The following SYNDIG1L variants were observed in gnomAD, a reference collection of about 807,000 sequenced individuals.
The protein encoded by SYNDIG1L is synapse differentiation inducing 1 like, also known as synapse differentiation-inducing gene protein 1-like.
Under a neutral mutation model 20.1 loss-of-function variants are expected in SYNDIG1L, and 13 were observed. That is an observed-to-expected ratio of 0.65 (90% CI 0.42 to 1.03). The LOEUF (loss-of-function observed/expected upper bound fraction) is 1.03. SYNDIG1L is among the 50% of genes least tolerant of loss of function. The pLI, the probability that SYNDIG1L is intolerant of heterozygous loss-of-function variation, is 0.00. For synonymous variants in SYNDIG1L, 128 were observed against 129.3 expected, an observed-to-expected ratio of 0.99 and a Z score of 0.07; for missense variants, 294 against 305.1, an observed-to-expected ratio of 0.96 and a Z score of 0.27.
the SYNDIG1L span, among the ~76,000 whole-genome samples, chr14:74,450,499 G>A: frequency 3.9e-5 from 6 of 152,258 alleles, no homozygotes; most frequent in Non-Finnish European, 7.4e-5. Flanking sequence ...ACTAAGTAGA[G>A]TTTATTCCAG....
intron 2 of SYNDIG1L, among the ~76,000 whole-genome samples, chr14:74,408,385 G>C (rs1212457943): frequency 6.6e-6 from 1 of 152,070 alleles, no homozygotes; most frequent in East Asian, 1.9e-4. Context: ...CCAACATGAT[G>C]AAACTCCCTC....
At chr14:74,453,927 C>G in the SYNDIG1L span, among the ~76,000 whole-genome samples, 1 of 152,144 alleles carries the variant, frequency 6.6e-6, no homozygotes, top group South Asian at 2.1e-4. Context: ...GATTGTGCTA[C>G]CACACTCCAG....
intron 1 of SYNDIG1L, among the ~76,000 whole-genome samples, chr14:74,411,674 G>A (rs865942020): frequency 2.0e-5 from 3 of 152,162 alleles, no homozygotes; most frequent in African/African-American, 7.2e-5. Context: ...AGACCTGGAC[G>A]AAGACACTGA....
intron 1 of SYNDIG1L, among the ~76,000 whole-genome samples, chr14:74,420,447 G>T (rs527597850): frequency 6.6e-6 from 1 of 151,528 alleles, no homozygotes; most frequent in Admixed American, 6.6e-5. Context: ...ACTGATCTGT[G>T]GCAGAATTGA....
At chr14:74,461,057 T>C in the SYNDIG1L span, among the ~76,000 whole-genome samples, 5 of 151,974 alleles carry the variant, frequency 3.3e-5, no homozygotes, top group African/African-American at 1.2e-4. Context: ...ATTATTTGCT[T>C]TTTCTGCACC....
the SYNDIG1L span, among the ~76,000 whole-genome samples, chr14:74,453,840 C>T: frequency 1.3e-5 from 2 of 151,986 alleles, no homozygotes; most frequent in Non-Finnish European, 2.9e-5. Flanking sequence ...GTGGTGCACA[C>T]CTGTAATCCC....
chr14:74,440,554 A>G, the SYNDIG1L span, among the ~76,000 whole-genome samples: 6 of 147,226 alleles, frequency 4.1e-5, no homozygotes, highest in Admixed American at 6.8e-5. Flanking sequence ...GCATGGTGGC[A>G]GGCGCCTGTA....
chr14:74,468,599 C>T, the SYNDIG1L span, among the ~76,000 whole-genome samples: 3 of 152,120 alleles, frequency 2.0e-5, no homozygotes, highest in Non-Finnish European at 2.9e-5. Context: ...GCTCTTCCCC[C>T]ACACACACTG....
At position 74,407,639 on chromosome 14, in the gene SYNDIG1L, G is replaced by A. The variant is rs201977513; in HGVS notation, c.613C>T (p.Arg205Trp). The change falls in exon 4 of 4, where the codon CGG becomes TGG. Residue 205 changes from arginine to tryptophan, a missense_variant. By Grantham distance (101) the Arg-to-Trp change is moderately radical. Coordinates refer to ENST00000331628, the MANE Select transcript of SYNDIG1L (RefSeq NM_001105579.2). ...GCGAGTGTGGCTAGGAAGAGGGCCC[G>A]GCGGGAGGTGGTGCTGGCCAGGCGG... ...DFRLASTTSR[R>W]ALFLATLAIA... 3.0e-5 allele frequency: 48 copies of A among 1,613,856 alleles called. No homozygotes were observed. In the Middle Eastern group the frequency reaches 5.0e-4, roughly 17 times the overall value.
the SYNDIG1L span, among the ~76,000 whole-genome samples, chr14:74,443,194 G>C: frequency 6.6e-6 from 1 of 152,204 alleles, no homozygotes; most frequent in African/African-American, 2.4e-5. Flanking sequence ...TGAGAAGAAT[G>C]AACCTGAAAA....
At chr14:74,418,081 C>A (rs2086191292) in intron 1 of SYNDIG1L, among the ~76,000 whole-genome samples, 1 of 152,194 alleles carries the variant, frequency 6.6e-6, no homozygotes. Context: ...AAGGTGAAAT[C>A]TTTTAGAACA....
the SYNDIG1L span, among the ~76,000 whole-genome samples, chr14:74,436,601 C>T: frequency 6.6e-6 from 1 of 151,916 alleles, no homozygotes; most frequent in African/African-American, 2.4e-5. Flanking sequence ...GTAATCCCAG[C>T]ACTTTGGGGG....
upstream of SYNDIG1L, among the ~76,000 whole-genome samples, chr14:74,428,847 T>A (rs1238028450): frequency 6.6e-6 from 1 of 152,014 alleles, no homozygotes; most frequent in Non-Finnish European, 1.5e-5. Context: ...TTAAGACACT[T>A]CTGGGTGAAA....
the SYNDIG1L span, among the ~76,000 whole-genome samples, chr14:74,457,817 A>G: frequency 6.6e-6 from 1 of 151,928 alleles, no homozygotes; most frequent in Admixed American, 6.6e-5. Flanking sequence ...AAAGGGCTCG[A>G]GATTTGGAAT....
At chr14:74,412,736 C>T (rs2086141694) in intron 1 of SYNDIG1L, among the ~76,000 whole-genome samples, 1 of 152,202 alleles carries the variant, frequency 6.6e-6, no homozygotes. Context: ...TCTCGGGCTT[C>T]CCGACTGCCC....
the SYNDIG1L span, among the ~76,000 whole-genome samples, chr14:74,454,280 C>T: frequency 8.1e-4 from 123 of 152,200 alleles, no homozygotes; most frequent in Non-Finnish European, 1.3e-3. Flanking sequence ...AATTAGCTCA[C>T]TTTTAAAACT....
intron 1 of SYNDIG1L, among the ~76,000 whole-genome samples, chr14:74,416,693 C>T (rs905972535): frequency 3.9e-5 from 6 of 152,074 alleles, no homozygotes; most frequent in Non-Finnish European, 1.5e-5. Flanking sequence ...TTGGACTTAA[C>T]AAAATATGCT....
the SYNDIG1L span, among the ~76,000 whole-genome samples, chr14:74,462,692 G>A: frequency 2.0e-5 from 3 of 152,004 alleles, no homozygotes. Flanking sequence ...TTTTTACAGA[G>A]ACAGGGTTTT....
chr14:74,459,295 C>G, the SYNDIG1L span, among the ~76,000 whole-genome samples: 1 of 152,114 alleles, frequency 6.6e-6, no homozygotes, highest in Non-Finnish European at 1.5e-5. Context: ...GCGGGCAGAT[C>G]GCTTGAGCCC....
Sources: allele counts gnomAD v4.1 joint callset (sites outside exome capture counted in the v4.1 genomes callset), GRCh38; gene constraint gnomAD v4.1.1; transcripts MANE v1.5; gene names NCBI Gene and HGNC (gene_info 2026-07-23, HGNC 2026-07-21).